The following KRCC1 variants were observed in gnomAD, a reference collection of about 807,000 sequenced individuals.
The protein encoded by KRCC1 is lysine-rich coiled-coil protein 1.
In KRCC1, 3 loss-of-function variants were observed where a neutral mutation model predicts 7.4. The observed-to-expected ratio is 0.40, with a 90% CI of 0.18 to 1.04. The LOEUF is 1.04. KRCC1 is among the 50% of genes least tolerant of loss of function. KRCC1 has a pLI of 0.33. For synonymous variants in KRCC1, 102 were observed against 101.6 expected (o/e 1.00, Z -0.02); for missense variants, 277 against 300.9 (o/e 0.92, Z 0.59).
intron 1 of KRCC1, among the ~76,000 whole-genome samples, chr2:88,053,548 A>T (rs1056106696): frequency 2.0e-5 from 3 of 152,208 alleles, no homozygotes; most frequent in Non-Finnish European, 2.9e-5. Context: ...ATAAAAGCAA[A>T]ATAATCCAGG....
intron 1 of KRCC1, among the ~76,000 whole-genome samples, chr2:88,054,811 T>C (rs11895559): frequency 0.034 from 5,182 of 152,236 alleles, 103 homozygotes; most frequent in Middle Eastern, 0.089. Flanking sequence ...GGTAGGTACA[T>C]ATTAAAACTC....
intron 3 of KRCC1, among the ~76,000 whole-genome samples, chr2:88,032,909 T>G (rs1232182746): frequency 6.6e-6 from 1 of 151,912 alleles, no homozygotes; most frequent in Non-Finnish European, 1.5e-5. Flanking sequence ...AAGACCAACC[T>G]GGCCAACACA....
intron 2 of KRCC1, among the ~76,000 whole-genome samples, 156 bp downstream of exon 2, chr2:88,036,787 C>T (rs1474828741): frequency 5.9e-5 from 9 of 152,130 alleles, no homozygotes; most frequent in Non-Finnish European, 5.9e-5. Context: ...ATCCTACTTC[C>T]CCAAATGTAA....
chr2:88,044,972 T>C (rs969978529), intron 1 of KRCC1, among the ~76,000 whole-genome samples: 10 of 149,708 alleles, frequency 6.7e-5, no homozygotes, highest in Admixed American at 2.0e-4. Context: ...TATCCTTCCA[T>C]CTCAGCCTCC....
intron 1 of KRCC1, among the ~76,000 whole-genome samples, chr2:88,052,882 T>TA (rs1276702806): frequency 6.6e-6 from 1 of 152,228 alleles, no homozygotes; most frequent in East Asian, 1.9e-4. Flanking sequence ...AATCCCCCTT[T>TA]AAAAATGTAA....
intron 1 of KRCC1, among the ~76,000 whole-genome samples, chr2:88,044,538 T>A (rs955898320): frequency 6.6e-6 from 1 of 152,102 alleles, no homozygotes; most frequent in African/African-American, 2.4e-5. Flanking sequence ...CAAACTCAAT[T>A]TAAAAAGGGC....
At chr2:88,053,916 G>A (rs866442603) in intron 1 of KRCC1, among the ~76,000 whole-genome samples, 1 of 152,132 alleles carries the variant, frequency 6.6e-6, no homozygotes, top group Non-Finnish European at 1.5e-5. Context: ...TCACTCTGAA[G>A]ACAAAAAGCA....
chr2:88,030,230 G>C (rs1324170787), intron 3 of KRCC1, among the ~76,000 whole-genome samples: 2 of 148,152 alleles, frequency 1.3e-5, no homozygotes, highest in Non-Finnish European at 3.0e-5. Flanking sequence ...CATTTCTTCA[G>C]CTCTCAGAAA....
chr2:88,042,717 C>T (rs1169222642), intron 1 of KRCC1, among the ~76,000 whole-genome samples: 1 of 152,198 alleles, frequency 6.6e-6, no homozygotes, highest in African/African-American at 2.4e-5. Context: ...ACCGCAGCCA[C>T]CTGAGAATTT....
intron 1 of KRCC1, among the ~76,000 whole-genome samples, chr2:88,041,827 C>T (rs1344972288): frequency 6.6e-6 from 1 of 152,204 alleles, no homozygotes; most frequent in Non-Finnish European, 1.5e-5. Context: ...ATCTCTTCCT[C>T]TAACCTGGAC....
At chr2:88,041,654 G>A (rs1673212885) in intron 1 of KRCC1, among the ~76,000 whole-genome samples, 1 of 152,158 alleles carries the variant, frequency 6.6e-6, no homozygotes, top group Non-Finnish European at 1.5e-5. Flanking sequence ...AGAAAGCTCG[G>A]TAGTGAACTC....
rs1003675717 is a variant in KRCC1, at chr2:88,030,778, T to G, written c.-22-2193A>C. 2.6e-5 allele frequency among the ~76,000 whole-genome samples: 4 copies of G among 152,370 alleles called. No homozygotes were observed. The South Asian group carries it at 8.3e-4, about 32-fold the overall frequency. Reference sequence around the variant, plus strand: ...ATACATTTACCCCATATGATGCAGTTATTCTACTTCTAGGTATTTCCTTAA... The same window carrying G: ...ATACATTTACCCCATATGATGCAGTGATTCTACTTCTAGGTATTTCCTTAA... On this transcript the variant is annotated intron_variant, in intron 3 of 3. Coordinates refer to ENST00000347055, the MANE Select transcript of KRCC1 (RefSeq NM_016618.3).
chr2:88,051,101 T>TA (rs1294319475), intron 1 of KRCC1, among the ~76,000 whole-genome samples: 2 of 152,004 alleles, frequency 1.3e-5, no homozygotes, highest in African/African-American at 2.4e-5. Flanking sequence ...TTTTTATTTT[T>TA]TTTTTTTGTA....
rs146213007 is a variant in KRCC1, at chr2:88,028,057, T to C, written c.507A>G (p.Glu169=). The part of the protein sequence containing the change: ...KRKRHPEEGR[E]KSEEERSKHK... ...GCTTAGACCGCTCCTCCTCTGATTT[T>C]TCTCTGCCTTCCTCTGGGTGCCTTT... Residue 169 remains glutamate, a synonymous_variant, in exon 4 of 4, where the codon GAA becomes GAG. Transcript: ENST00000347055. 2.8e-3 allele frequency: 4,554 copies of C among 1,614,180 alleles called. 14 individuals carry two copies. The highest frequency in any genetic ancestry group is 3.2e-3 in the Non-Finnish European group (3,809 of 1,180,028).
intron 3 of KRCC1, among the ~76,000 whole-genome samples, chr2:88,032,984 C>T (rs1484154515): frequency 5.3e-5 from 8 of 151,854 alleles, no homozygotes; most frequent in South Asian, 4.2e-4. Flanking sequence ...AGAGTACATA[C>T]GATATGATTC....
At chr2:88,043,175 A>G (rs1673250276) in intron 1 of KRCC1, among the ~76,000 whole-genome samples, 1 of 152,174 alleles carries the variant, frequency 6.6e-6, no homozygotes, top group Non-Finnish European at 1.5e-5. Context: ...AATCATTTTG[A>G]CCAAAACAAT....
chr2:88,036,251 G>A (rs984258466), intron 2 of KRCC1, among the ~76,000 whole-genome samples: 6 of 152,262 alleles, frequency 3.9e-5, no homozygotes, highest in Admixed American at 3.9e-4. Context: ...AGAGCAGAAT[G>A]GGAAAAGCCA....
chr2:88,047,654 G>A (rs1330821830), intron 1 of KRCC1, among the ~76,000 whole-genome samples: 3 of 151,896 alleles, frequency 2.0e-5, no homozygotes, highest in African/African-American at 7.3e-5. Context: ...TCAGCCTCCC[G>A]AGTAGCTGGG....
At chr2:88,045,191 G>T (rs6751369) in intron 1 of KRCC1, among the ~76,000 whole-genome samples, 1 of 152,268 alleles carries the variant, frequency 6.6e-6, no homozygotes, top group African/African-American at 2.4e-5. Context: ...AATTTTTTAT[G>T]AAGTTAAATA....
Sources: allele counts gnomAD v4.1 joint callset (sites outside exome capture counted in the v4.1 genomes callset), GRCh38; gene constraint gnomAD v4.1.1; transcripts MANE v1.5; gene names NCBI Gene and HGNC (gene_info 2026-07-23, HGNC 2026-07-21).